Variants in SAMD3 observed in about 807,000 individuals in gnomAD.
SAMD3 encodes sterile alpha motif domain containing 3.
Under a neutral mutation model 58.5 loss-of-function variants are expected in SAMD3, and 63 were observed. That is an observed-to-expected ratio of 1.08 (90% confidence interval 0.88 to 1.33). The LOEUF (loss-of-function observed/expected upper bound fraction) is 1.33. SAMD3 is among the 40% of genes most tolerant of loss of function. The pLI is 0.00. For synonymous variants in SAMD3, 220 were observed against 210.3 expected (o/e 1.05, Z -0.40); for missense variants, 604 against 608.4 (o/e 0.99, Z 0.08).
chr6:130,194,286 C>A (rs1370651679), intron 5 of SAMD3, among the ~76,000 whole-genome samples: 1 of 152,250 alleles, frequency 6.6e-6, no homozygotes, highest in Non-Finnish European at 1.5e-5. Context: ...CAGCCCAGTT[C>A]ATGGCTTGTT....
intron 5 of SAMD3, among the ~76,000 whole-genome samples, chr6:130,200,260 T>C (rs1794524289): frequency 1.3e-5 from 2 of 151,920 alleles, no homozygotes; most frequent in South Asian, 4.2e-4. Context: ...CTCTTTTCTT[T>C]TTTTCTTCCT....
At chr6:130,173,288 C>T (rs557403243) in intron 8 of SAMD3, among the ~76,000 whole-genome samples, 10 of 152,302 alleles carry the variant, frequency 6.6e-5, no homozygotes, top group East Asian at 5.8e-4. Flanking sequence ...GAATTTTCAG[C>T]GTTTTTGCAC....
intron 2 of SAMD3, among the ~76,000 whole-genome samples, chr6:130,255,853 G>GCC (rs1169347275): frequency 2.8e-5 from 4 of 144,900 alleles, no homozygotes; most frequent in African/African-American, 1.0e-4. Flanking sequence ...GTTGGGTCTT[G>GCC]TCTTTTTTTT....
intron 1 of SAMD3, among the ~76,000 whole-genome samples, chr6:130,346,603 C>T (rs1777461770): frequency 6.6e-6 from 1 of 152,210 alleles, no homozygotes; most frequent in South Asian, 2.1e-4. Flanking sequence ...GGGTGGAGCC[C>T]ACCACAGCCC....
At chr6:130,355,111 G>T (rs1269786153) in intron 1 of SAMD3, among the ~76,000 whole-genome samples, 1 of 152,144 alleles carries the variant, frequency 6.6e-6, no homozygotes, top group East Asian at 1.9e-4. Flanking sequence ...AGCACCTGTA[G>T]GGTACATTTG....
chr6:130,201,419 T>A (rs1363012057), intron 5 of SAMD3, among the ~76,000 whole-genome samples: 1 of 152,222 alleles, frequency 6.6e-6, no homozygotes, highest in African/African-American at 2.4e-5. Context: ...AGAACAGCAC[T>A]GGAATTAAGA....
chr6:130,218,855 G>A (rs1443900389), intron 1 of SAMD3, among the ~76,000 whole-genome samples: 1 of 152,134 alleles, frequency 6.6e-6, no homozygotes, highest in African/African-American at 2.4e-5. Flanking sequence ...AGGGAGGACC[G>A]TGCTGCTTGG....
chr6:130,183,983 TGAGAGAGA>T (rs144208556), intron 7 of SAMD3, 112 bp downstream of exon 7: 1 of 701,482 alleles, frequency 1.4e-6, no homozygotes, highest in Non-Finnish European at 2.5e-6. Context: ...ATAGACAGAA[TGAGAGAGA>T]GAGAGAGAGA....
At chr6:130,205,747 C>T (rs1194753900) in intron 5 of SAMD3, among the ~76,000 whole-genome samples, 2 of 152,116 alleles carry the variant, frequency 1.3e-5, no homozygotes, top group Admixed American at 6.5e-5. Context: ...TTAAAGTGAT[C>T]AGTTTTATTA....
chr6:130,154,809 T>C lies in SAMD3; in HGVS notation c.1023+16A>G, dbSNP rs199504933. The C allele has an allele frequency of 2.9e-4, 440 of 1,522,572 alleles. No homozygotes were observed. Among genetic ancestry groups the C allele is most frequent in the Non-Finnish European group, 2.6e-4 (286 of 1,101,912 alleles). The allele number at this position is 1,522,572 out of a possible 1,614,324, so 94.3% of individuals were successfully genotyped here. ...ACATATATATGTGTGTGTATATATA[T>C]ATAGAATAAAGATACCTGATAAGGG... On this transcript the variant is annotated intron_variant, in intron 9 of 11. Transcript: ENST00000439090.
intron 1 of SAMD3, among the ~76,000 whole-genome samples, chr6:130,344,932 A>C (rs1777398347): frequency 7.7e-6 from 1 of 129,274 alleles, no homozygotes; most frequent in South Asian, 2.9e-4. Context: ...CCCTATGCCC[A>C]CCCCCCTCCA....
At chr6:130,311,491 G>A (rs1050360143) in intron 2 of SAMD3, among the ~76,000 whole-genome samples, 6 of 152,128 alleles carry the variant, frequency 3.9e-5, no homozygotes, top group African/African-American at 7.2e-5. Context: ...TTTTACAGGC[G>A]TGAGGACCCT....
chr6:130,252,958 C>A (rs181965373), intron 2 of SAMD3, among the ~76,000 whole-genome samples: 2 of 152,180 alleles, frequency 1.3e-5, no homozygotes, highest in African/African-American at 4.8e-5. Context: ...TCCATACTTA[C>A]AGAAAACGCC....
chr6:130,349,910 G>A (rs1204593546), intron 1 of SAMD3, among the ~76,000 whole-genome samples: 1 of 152,146 alleles, frequency 6.6e-6, no homozygotes, highest in Admixed American at 6.5e-5. Flanking sequence ...TGCAAGGCTG[G>A]TTCAACATAT....
At chr6:130,178,497 C>T (rs1791955450) in intron 7 of SAMD3, among the ~76,000 whole-genome samples, 1 of 152,268 alleles carries the variant, frequency 6.6e-6, no homozygotes, top group Non-Finnish European at 1.5e-5. Context: ...GCTCTATTTC[C>T]TCATGGGCCA....
chr6:130,167,439 C>G (rs374023049), intron 8 of SAMD3, among the ~76,000 whole-genome samples: 1 of 152,298 alleles, frequency 6.6e-6, no homozygotes, highest in South Asian at 2.1e-4. Flanking sequence ...TCAACTTTAA[C>G]ACCTAAGGAT....
At chr6:130,175,550 CA>C (rs960610537) in intron 8 of SAMD3, among the ~76,000 whole-genome samples, 53 of 144,086 alleles carry the variant, frequency 3.7e-4, no homozygotes, top group Admixed American at 4.8e-4. Context: ...AGGATAAGAG[CA>C]AAAAAAAAAA....
chr6:130,247,729 T>C (rs1773600889), intron 2 of SAMD3, among the ~76,000 whole-genome samples: 2 of 152,170 alleles, frequency 1.3e-5, no homozygotes, highest in Admixed American at 6.5e-5. Flanking sequence ...GATAATCATA[T>C]AGTTGATGAG....
Position 130,208,764 on chromosome 6 carries a change from T to C in SAMD3, c.383+731A>G, listed in dbSNP as rs144529405. Among the ~76,000 whole-genome samples, 490 of 152,166 alleles carry C rather than the reference T, an allele frequency of 3.2e-3. 5 individuals are homozygous for C. The highest frequency in any genetic ancestry group is 0.011 in the African/African-American group (472 of 41,514). On this transcript the variant is annotated intron_variant, in intron 5 of 11. Coordinates refer to ENST00000439090, the MANE Select transcript of SAMD3 (RefSeq NM_001017373.4). ...ATATATTAGAATATAATAATAGAAA[T>C]AAAGTGTGCAATAAATGGAATGTGC...
Sources: gnomAD v4.1 joint callset for allele counts (sites outside exome capture counted in the v4.1 genomes callset) on GRCh38, gnomAD v4.1.1 for gene constraint, MANE v1.5 for transcripts, NCBI Gene and HGNC (gene_info 2026-07-23, HGNC 2026-07-21) for gene names.